The following PTPRD variants were observed in gnomAD, a reference collection of about 807,000 sequenced individuals.
PTPRD encodes receptor-type tyrosine-protein phosphatase delta.
In PTPRD, 34 loss-of-function variants were observed where a neutral mutation model predicts 214.5. The ratio of observed to expected loss-of-function variants is 0.16; its 90% CI spans 0.12 to 0.21. The LOEUF is 0.21. Among genes scored for constraint, PTPRD ranks in the 10% least tolerant of loss-of-function variants. The pLI is 1.00. For synonymous variants in PTPRD, 1,128 were observed against 845.7 expected, an observed-to-expected ratio of 1.33 and a Z score of -5.79; for missense variants, 2,545 against 2,398.7, an observed-to-expected ratio of 1.06 and a Z score of -1.27.
chr9:9,610,745 A>T (rs569380757), intron 7 of PTPRD, among the ~76,000 whole-genome samples: 2 of 152,160 alleles, frequency 1.3e-5, no homozygotes, highest in South Asian at 4.1e-4. Flanking sequence ...TTTTTTAATC[A>T]TAAAAGTAAT....
chr9:9,931,394 C>T (rs893448422), intron 5 of PTPRD, among the ~76,000 whole-genome samples: 4 of 152,164 alleles, frequency 2.6e-5, no homozygotes, highest in Admixed American at 6.5e-5. Flanking sequence ...CGAAGCAGGG[C>T]GAGGCATTGC....
At chr9:10,072,103 A>T (rs977343256) in intron 3 of PTPRD, among the ~76,000 whole-genome samples, 1 of 152,112 alleles carries the variant, frequency 6.6e-6, no homozygotes, top group Non-Finnish European at 1.5e-5. Context: ...CAAATTACAT[A>T]TCTAATAATA....
chr9:10,448,090 T>C (rs899076383), intron 2 of PTPRD, among the ~76,000 whole-genome samples: 7 of 152,044 alleles, frequency 4.6e-5, no homozygotes, highest in African/African-American at 7.3e-5. Flanking sequence ...CCAAATATAA[T>C]TGAATTATTC....
chr9:9,890,849 C>T (rs149849153), intron 5 of PTPRD, among the ~76,000 whole-genome samples: 20 of 152,252 alleles, frequency 1.3e-4, no homozygotes, highest in African/African-American at 4.8e-4. Flanking sequence ...ATCCTTCAGA[C>T]ACTCCTGAAT....
At chr9:8,744,032 A>C (rs2092467856) in intron 11 of PTPRD, among the ~76,000 whole-genome samples, 1 of 152,134 alleles carries the variant, frequency 6.6e-6, no homozygotes, top group South Asian at 2.1e-4. Context: ...CATATGGAAA[A>C]ACGCTCACAA....
At chr9:10,139,837 A>T (rs1377096159) in intron 3 of PTPRD, among the ~76,000 whole-genome samples, 1 of 152,118 alleles carries the variant, frequency 6.6e-6, no homozygotes, top group African/African-American at 2.4e-5. Context: ...GGCTAGCCAT[A>T]TGCAGAAGAA....
At chr9:9,053,702 G>A (rs1230052378) in intron 10 of PTPRD, among the ~76,000 whole-genome samples, 1 of 152,106 alleles carries the variant, frequency 6.6e-6, no homozygotes, top group Non-Finnish European at 1.5e-5. Flanking sequence ...TAGGAAATTA[G>A]TATATATTTA....
intron 3 of PTPRD, among the ~76,000 whole-genome samples, chr9:10,181,467 C>A (rs917201305): frequency 6.6e-5 from 10 of 152,028 alleles, no homozygotes; most frequent in Admixed American, 3.3e-4. Context: ...GTGCAATTCA[C>A]TTCTAAACCT....
chr9:10,592,185 G>T (rs2075623898), intron 2 of PTPRD, among the ~76,000 whole-genome samples: 1 of 152,026 alleles, frequency 6.6e-6, no homozygotes, highest in Non-Finnish European at 1.5e-5. Flanking sequence ...TCCCCAGGAA[G>T]ATAGCTATAT....
chr9:8,325,401 C>T (rs1587547217), intron 44 of PTPRD, among the ~76,000 whole-genome samples: 1 of 148,996 alleles, frequency 6.7e-6, no homozygotes, highest in East Asian at 2.0e-4. Context: ...AAGATGTTTG[C>T]AGATGTGTGG....
intron 9 of PTPRD, among the ~76,000 whole-genome samples, chr9:9,190,214 T>C (rs1346595828): frequency 1.3e-5 from 2 of 152,012 alleles, no homozygotes; most frequent in Non-Finnish European, 2.9e-5. Flanking sequence ...TGGTTAGTTA[T>C]TGCAGGAGTG....
In PTPRD at chr9:9,767,045, G is replaced by C. The variant is rs929951510; in HGVS notation, c.-367-194C>G. On this transcript the variant is annotated intron_variant, in intron 5 of 45. Transcript: ENST00000381196. Reference sequence around the variant, plus strand: ...AAAGCACATTAAGACAAAAAAGACAGAATGCAAATACTCTGTAATACTTCA... The same window carrying C: ...AAAGCACATTAAGACAAAAAAGACACAATGCAAATACTCTGTAATACTTCA... 3.3e-5 allele frequency among the ~76,000 whole-genome samples: 5 copies of C among 151,034 alleles called. No individual in the cohort carries two copies. In the East Asian group the frequency reaches 9.8e-4, roughly 29 times the overall value.
chr9:8,332,523 C>G (rs1478016180), intron 43 of PTPRD, among the ~76,000 whole-genome samples: 1 of 139,450 alleles, frequency 7.2e-6, no homozygotes, highest in Non-Finnish European at 1.6e-5. Context: ...AGAGCTTTAA[C>G]ATAGATAAAC....
chr9:10,208,773 AT>A (rs1309067832), intron 3 of PTPRD, among the ~76,000 whole-genome samples: 5 of 152,228 alleles, frequency 3.3e-5, no homozygotes, highest in African/African-American at 1.2e-4. Flanking sequence ...GGAATATAAA[AT>A]TAAGCCACTA....
chr9:10,460,142 T>C (rs1455298437), intron 2 of PTPRD, among the ~76,000 whole-genome samples: 1 of 151,672 alleles, frequency 6.6e-6, no homozygotes. Flanking sequence ...CCATTTACAA[T>C]AGCATAAAAA....
chr9:10,148,689 G>A (rs1057286608), intron 3 of PTPRD, among the ~76,000 whole-genome samples: 1 of 152,040 alleles, frequency 6.6e-6, no homozygotes, highest in Non-Finnish European at 1.5e-5. Context: ...TCTCAATTTT[G>A]GCTGATAGTA....
intron 2 of PTPRD, among the ~76,000 whole-genome samples, chr9:10,423,357 C>T (rs377730414): frequency 1.3e-5 from 2 of 151,686 alleles, no homozygotes; most frequent in East Asian, 1.9e-4. Context: ...CTAATGTAAA[C>T]GACAGGTTAA....
chr9:8,939,917 A>G (rs890229253), intron 11 of PTPRD, among the ~76,000 whole-genome samples: 1 of 151,944 alleles, frequency 6.6e-6, no homozygotes, highest in African/African-American at 2.4e-5. Context: ...TTTTCTTTAG[A>G]AAAACATAAA....
At chr9:9,845,059 AAT>A (rs34254711) in intron 5 of PTPRD, among the ~76,000 whole-genome samples, 68,833 of 96,634 alleles carry the variant, frequency 0.71, 26,526 homozygotes, top group Non-Finnish European at 0.83. Flanking sequence ...TATATAGAGC[AAT>A]ATATATATAT....
Sources: allele counts gnomAD v4.1 joint callset (sites outside exome capture counted in the v4.1 genomes callset), GRCh38; gene constraint gnomAD v4.1.1; transcripts MANE v1.5; gene names NCBI Gene and HGNC (gene_info 2026-07-23, HGNC 2026-07-21).